MGAT4C: variants seen among roughly 807,000 people sequenced by gnomAD.
The protein encoded by MGAT4C is alpha-1,3-mannosyl-glycoprotein 4-beta-N-acetylglucosaminyltransferase C.
In MGAT4C, 19 loss-of-function variants were observed where a neutral mutation model predicts 40.1. The ratio of observed to expected loss-of-function variants is 0.47; its 90% CI spans 0.33 to 0.70. The LOEUF (loss-of-function observed/expected upper bound fraction) is 0.70, where lower values mean the gene tolerates loss of function less well. Among genes scored for constraint, MGAT4C ranks in the 30% least tolerant of loss-of-function variants. MGAT4C has a pLI of 0.02. For synonymous variants in MGAT4C, 181 were observed against 187.1 expected (o/e 0.97, Z 0.27); for missense variants, 491 against 563.2 (o/e 0.87, Z 1.30).
intron 1 of MGAT4C, among the ~76,000 whole-genome samples, chr12:86,761,527 A>G (rs1287512777): frequency 6.6e-6 from 1 of 152,218 alleles, no homozygotes; most frequent in African/African-American, 2.4e-5. Context: ...GTTGCTTAAA[A>G]CAACACAAAT....
intron 1 of MGAT4C, among the ~76,000 whole-genome samples, chr12:86,187,991 A>T (rs1888963468): frequency 6.6e-6 from 1 of 152,080 alleles, no homozygotes; most frequent in African/African-American, 2.4e-5. Flanking sequence ...TCCAAAGTGT[A>T]CTGAGACTGA....
At chr12:86,255,420 A>G (rs1952475095) in intron 1 of MGAT4C, among the ~76,000 whole-genome samples, 1 of 152,068 alleles carries the variant, frequency 6.6e-6, no homozygotes, top group East Asian at 1.9e-4. Context: ...TCACCTATCC[A>G]TAGCAGTTCA....
rs549615518 is a variant in MGAT4C at position 86,792,292 on chromosome 12, C to T, written c.-262+46374G>A. ...ATTCAGTAATTAAGATATTCAATAA[C>T]CAATACTTGTTTAAAATGTTAAATA... On this transcript the variant is annotated intron_variant, in intron 1 of 7. Transcript: ENST00000548651. Among the ~76,000 whole-genome samples the T allele has an allele frequency of 5.3e-5, 8 of 152,102 alleles. 1 individual carries two copies. In the East Asian group the frequency reaches 9.7e-4, roughly 18 times the overall value.
chr12:86,618,034 T>C (rs1962512063), intron 2 of MGAT4C, among the ~76,000 whole-genome samples: 1 of 152,128 alleles, frequency 6.6e-6, no homozygotes, highest in African/African-American at 2.4e-5. Context: ...GAATGGACAT[T>C]TCTCAAAGGA....
At chr12:86,374,103 T>G (rs1955776320) in intron 3 of MGAT4C, among the ~76,000 whole-genome samples, 1 of 152,090 alleles carries the variant, frequency 6.6e-6, no homozygotes, top group African/African-American at 2.4e-5. Flanking sequence ...TAATGGCTTC[T>G]CTGTGGAAAA....
At position 85,979,077 on chromosome 12, in the gene MGAT4C, G is replaced by A. The variant is rs1884234846; in HGVS notation, c.*212C>T. The A allele has an allele frequency of 2.4e-6, 1 of 412,922 alleles. No homozygotes were observed. The highest frequency in any genetic ancestry group is 2.0e-5 in the African/African-American group (1 of 48,830). The allele number at this position is 412,922 out of a possible 1,614,324, so 25.6% of individuals were successfully genotyped here. A position where few individuals can be genotyped will look rare whatever the true frequency, so the allele number is the denominator to read the frequency against. ...AAAAATATAAATGAAAGTAGCATTA[G>A]CTATAGACTGATATTCAACTTCAGA... On this transcript the variant is annotated 3_prime_UTR_variant, in exon 5 of 5. Coordinates refer to ENST00000611864, the MANE Select transcript of MGAT4C (RefSeq NM_001351288.2).
intron 2 of MGAT4C, among the ~76,000 whole-genome samples, chr12:86,046,701 A>G (rs1453583380): frequency 1.3e-5 from 2 of 152,186 alleles, no homozygotes; most frequent in Non-Finnish European, 2.9e-5. Context: ...AACAACTGCA[A>G]GATCAAACTT....
At chr12:86,008,556 T>C (rs984273876) in intron 2 of MGAT4C, among the ~76,000 whole-genome samples, 1 of 152,128 alleles carries the variant, frequency 6.6e-6, no homozygotes, top group Non-Finnish European at 1.5e-5. Context: ...TTAATATTTT[T>C]TTCCAATCTC....
In MGAT4C at chr12:86,553,756, T is replaced by G. The variant is rs76011240; in HGVS notation, c.-228-118491A>C. On this transcript the variant is annotated intron_variant, in intron 2 of 7. Coordinates refer to the MGAT4C transcript ENST00000548651. ...GCTAGCTCTCTCAAATGCTAAATCA[T>G]TGCTATTAGGCCCATTTTTAGAAAT... is the stretch of plus-strand genomic sequence containing the variant. Among the ~76,000 whole-genome samples, 483 of 152,292 alleles carry G rather than the reference T, an allele frequency of 3.2e-3. 1 individual carries two copies. Among genetic ancestry groups the G allele is most frequent in the African/African-American group, 0.011 (468 of 41,580 alleles).
chr12:86,533,616 A>G (rs1037250846), intron 2 of MGAT4C, among the ~76,000 whole-genome samples: 50 of 151,722 alleles, frequency 3.3e-4, no homozygotes, highest in African/African-American at 1.2e-3. Context: ...TATACACACT[A>G]TGTACTATAT....
chr12:86,176,091 G>A (rs1208703205), intron 1 of MGAT4C, among the ~76,000 whole-genome samples: 4 of 152,182 alleles, frequency 2.6e-5, no homozygotes, highest in Non-Finnish European at 4.4e-5. Flanking sequence ...TGCCAATATA[G>A]CTGATCCTGG....
At chr12:85,981,393 C>T (rs182773211) in intron 4 of MGAT4C, among the ~76,000 whole-genome samples, 8 of 152,192 alleles carry the variant, frequency 5.3e-5, no homozygotes, top group Middle Eastern at 3.4e-3. Context: ...ACAAGATCAT[C>T]GTTTTAATAT....
chr12:86,396,397 C>T (rs1021060769), intron 3 of MGAT4C, among the ~76,000 whole-genome samples: 9 of 122,140 alleles, frequency 7.4e-5, no homozygotes, highest in East Asian at 4.7e-4. Context: ...TGCACAAAGG[C>T]GTGGAGATTA....
At chr12:86,407,184 G>C (rs1214608394) in intron 3 of MGAT4C, among the ~76,000 whole-genome samples, 1 of 152,016 alleles carries the variant, frequency 6.6e-6, no homozygotes, top group Non-Finnish European at 1.5e-5. Flanking sequence ...AGATCTGCAA[G>C]GGTCCAAAAT....
intron 1 of MGAT4C, among the ~76,000 whole-genome samples, chr12:86,176,048 G>A (rs753987981): frequency 6.6e-6 from 1 of 152,056 alleles, no homozygotes. Context: ...GGTGAACCCC[G>A]GCAAGGTGCA....
At chr12:86,545,868 A>C (rs1328994397) in intron 2 of MGAT4C, among the ~76,000 whole-genome samples, 1 of 152,050 alleles carries the variant, frequency 6.6e-6, no homozygotes, top group East Asian at 1.9e-4. Context: ...TCATAGAAGC[A>C]AAGTTCTATT....
chr12:86,641,579 C>T (rs978054122), intron 2 of MGAT4C, among the ~76,000 whole-genome samples: 1 of 150,842 alleles, frequency 6.6e-6, no homozygotes, highest in Non-Finnish European at 1.5e-5. Flanking sequence ...GGTACTGATC[C>T]CTGATAAGAA....
At chr12:86,334,071 G>A (rs1054709926) in exon 4 of MGAT4C, 3 of 152,142 alleles carry the variant, frequency 2.0e-5, no homozygotes, top group African/African-American at 7.2e-5. Flanking sequence ...TCACGTTTTA[G>A]TTTCTGTAGA....
chr12:86,722,925 T>C (rs1441167222), intron 2 of MGAT4C, among the ~76,000 whole-genome samples: 2 of 152,146 alleles, frequency 1.3e-5, no homozygotes, highest in African/African-American at 4.8e-5. Flanking sequence ...GGTATGCATA[T>C]GGAAAATATA....
Sources: allele counts gnomAD v4.1 joint callset (sites outside exome capture counted in the v4.1 genomes callset), GRCh38; gene constraint gnomAD v4.1.1; transcripts MANE v1.5; gene names NCBI Gene and HGNC (gene_info 2026-07-23, HGNC 2026-07-21).